ARMC2: variants seen among roughly 807,000 people sequenced by gnomAD.
ARMC2 encodes the protein armadillo repeat-containing protein 2.
A neutral mutation model predicts 90.3 loss-of-function variants in ARMC2; 67 were observed. The observed-to-expected ratio is 0.74, with a 90% CI of 0.61 to 0.91. ARMC2 has a LOEUF of 0.91. ARMC2 is among the 40% of genes least tolerant of loss of function. The probability of loss-of-function intolerance (pLI) is 0.00; values close to 1 mark genes in which losing one functional copy is unlikely to be tolerated. For missense variants in ARMC2, 920 were observed against 1,030.9 expected (o/e 0.89, Z 1.47); for synonymous variants, 393 against 393.0 (o/e 1.00, Z 0.00).
chr6:108,988,614 C>A, the ARMC2 span: 2 of 1,613,102 alleles, frequency 1.2e-6, no homozygotes, highest in Non-Finnish European at 1.7e-6. Flanking sequence ...GGAGTGCAAA[C>A]AACAGTTTTG....
At chr6:108,989,415 A>G in the ARMC2 span, among the ~76,000 whole-genome samples, 1 of 149,662 alleles carries the variant, frequency 6.7e-6, no homozygotes, top group Non-Finnish European at 1.5e-5. Context: ...AGATATCTCT[A>G]GATCTAGAGA....
the ARMC2 span, among the ~76,000 whole-genome samples, chr6:109,003,866 G>A: frequency 6.6e-6 from 1 of 151,956 alleles, no homozygotes; most frequent in East Asian, 1.9e-4. Flanking sequence ...AATACCTATT[G>A]GACAAAACTA....
chr6:108,953,200 C>A lies in ARMC2; in HGVS notation c.1764C>A (p.Gly588=), dbSNP rs748439752. The A allele has an allele frequency of 3.7e-6, 6 of 1,613,984 alleles. No individual in the cohort carries two copies. The Admixed American group carries it at 8.3e-5, about 22-fold the overall frequency. The change falls in exon 13 of 18, where the codon GGC becomes GGA. Residue 588 remains glycine (G), a synonymous_variant. Coordinates refer to ENST00000392644, the MANE Select transcript of ARMC2 (RefSeq NM_032131.6). ...LHSQKPVGQR[G]EQHRAQRPPS... ...CCCAGAAGCCGGTGGGCCAACGAGG[C>A]GAGCAGCACAGGGCGCAGAGGCCGC...
intron 10 of ARMC2, chr6:108,924,165 G>T (rs2128483169): frequency 6.6e-6 from 1 of 152,344 alleles, no homozygotes; most frequent in South Asian, 2.1e-4. Flanking sequence ...AGGAGAGGAA[G>T]TGACTGATCA....
chr6:108,874,580 G>A (rs774005664), intron 4 of ARMC2, among the ~76,000 whole-genome samples: 1 of 152,172 alleles, frequency 6.6e-6, no homozygotes, highest in Non-Finnish European at 1.5e-5. Flanking sequence ...ATAACTTCTA[G>A]GTTTTGAGCG....
At chr6:109,045,175 C>T in the ARMC2 span, among the ~76,000 whole-genome samples, 1 of 152,168 alleles carries the variant, frequency 6.6e-6, no homozygotes, top group African/African-American at 2.4e-5. Context: ...GCTCCTCTGA[C>T]ACCCTTACTA....
chr6:108,872,778 A>C (rs1220179628), intron 4 of ARMC2, among the ~76,000 whole-genome samples: 1 of 152,254 alleles, frequency 6.6e-6, no homozygotes, highest in African/African-American at 2.4e-5. Context: ...TTGTGCCTAC[A>C]GAAGTGTTTG....
At chr6:109,004,555 C>T in the ARMC2 span, among the ~76,000 whole-genome samples, 2 of 151,744 alleles carry the variant, frequency 1.3e-5, no homozygotes, top group African/African-American at 2.4e-5. Context: ...TCCTGTCTCC[C>T]GAGTAGCTAG....
chr6:108,942,878 A>G (rs982790797), intron 12 of ARMC2, among the ~76,000 whole-genome samples: 2 of 152,214 alleles, frequency 1.3e-5, no homozygotes, highest in African/African-American at 2.4e-5. Flanking sequence ...TCGCGTTTTC[A>G]AAAAACATAG....
chr6:108,932,947 G>T (rs1440551339), intron 11 of ARMC2, among the ~76,000 whole-genome samples: 1 of 152,124 alleles, frequency 6.6e-6, no homozygotes, highest in Non-Finnish European at 1.5e-5. Flanking sequence ...CCAGTACCAT[G>T]CTGTTTTGGT....
At chr6:108,942,587 A>G (rs1047716458) in intron 12 of ARMC2, among the ~76,000 whole-genome samples, 47 of 152,146 alleles carry the variant, frequency 3.1e-4, no homozygotes, top group African/African-American at 1.0e-3. Context: ...TTTAAACAGA[A>G]TTATTACTTC....
chr6:108,962,915 C>A (rs991863321), intron 15 of ARMC2, among the ~76,000 whole-genome samples: 6 of 152,172 alleles, frequency 3.9e-5, no homozygotes, highest in Non-Finnish European at 8.8e-5. Flanking sequence ...AGGAGGATCA[C>A]TTGAGCCCAG....
intron 15 of ARMC2, among the ~76,000 whole-genome samples, chr6:108,963,696 A>G (rs139453429): frequency 6.6e-6 from 1 of 152,276 alleles, no homozygotes; most frequent in Non-Finnish European, 1.5e-5. Flanking sequence ...ATGTCCCTAC[A>G]CTGGAAGGCC....
intron 13 of ARMC2, 62 bp downstream of exon 13, chr6:108,953,413 G>A (rs1777347924): frequency 6.8e-7 from 1 of 1,479,774 alleles, no homozygotes; most frequent in Non-Finnish European, 9.0e-7. Flanking sequence ...CCCAAAGACA[G>A]TTCTGTGTCT....
intron 10 of ARMC2, among the ~76,000 whole-genome samples, chr6:108,926,966 TTATATTTTAATG>T (rs1775156356): frequency 6.6e-6 from 1 of 151,012 alleles, no homozygotes; most frequent in Admixed American, 6.6e-5. Context: ...GGGTAGTCAG[TTATATTTTAATG>T]TATCTTTTTG....
At chr6:108,948,555 T>C (rs1052022939) in intron 12 of ARMC2, among the ~76,000 whole-genome samples, 2 of 150,676 alleles carry the variant, frequency 1.3e-5, no homozygotes, top group African/African-American at 2.4e-5. Context: ...ATCCCATTTG[T>C]TGATCTCGCA....
intron 10 of ARMC2, among the ~76,000 whole-genome samples, chr6:108,920,463 C>T (rs909896546): frequency 3.9e-5 from 6 of 152,172 alleles, no homozygotes; most frequent in Admixed American, 6.5e-5. Flanking sequence ...CCAGTTGCCA[C>T]GAGAGAGTAG....
chr6:108,914,956 T>A (rs953788127), intron 10 of ARMC2, among the ~76,000 whole-genome samples: 43 of 151,972 alleles, frequency 2.8e-4, no homozygotes, highest in African/African-American at 1.0e-3. Context: ...AGGCATTTTT[T>A]TTTTTTTCTT....
chr6:108,958,209 C>A (rs1777728722), intron 13 of ARMC2, among the ~76,000 whole-genome samples: 3 of 152,088 alleles, frequency 2.0e-5, no homozygotes, highest in African/African-American at 7.2e-5. Flanking sequence ...GACCATGCAG[C>A]CTCCCTGATC....
Sources: allele counts gnomAD v4.1 joint callset (sites outside exome capture counted in the v4.1 genomes callset), GRCh38; gene constraint gnomAD v4.1.1; transcripts MANE v1.5; gene names NCBI Gene and HGNC (gene_info 2026-07-23, HGNC 2026-07-21).